SMPX: variants seen among roughly 807,000 people sequenced by gnomAD.
SMPX encodes small muscular protein.
SMPX carries 2 observed loss-of-function variants against 6.3 expected under a neutral mutation model. The observed-to-expected ratio is 0.32, with a 90% CI of 0.13 to 0.99. SMPX has a LOEUF of 0.99. SMPX is among the 50% of genes least tolerant of loss of function. SMPX has a pLI of 0.49. For synonymous variants in SMPX, 32 were observed against 24.7 expected, an observed-to-expected ratio of 1.30 and a Z score of -0.88; for missense variants, 60 against 66.8, an observed-to-expected ratio of 0.90 and a Z score of 0.36.
chrX:21,734,931 A>C (rs189325502), intron 4 of SMPX, among the ~76,000 whole-genome samples: 1 of 111,851 alleles, frequency 8.9e-6, no homozygotes, highest in African/African-American at 3.3e-5. Context: ...AAAGTACTGT[A>C]ATAGTTATAA....
chrX:21,745,668 T>C (rs1438015387), intron 2 of SMPX, among the ~76,000 whole-genome samples: 5 of 111,450 alleles, frequency 4.5e-5, no homozygotes, highest in African/African-American at 1.6e-4. Context: ...AGGGGAAAAA[T>C]CAATATACGG....
chrX:21,731,509 T>A (rs7886539), intron 4 of SMPX, among the ~76,000 whole-genome samples: 29,101 of 52,735 alleles, frequency 0.55, 6,761 homozygotes, highest in African/African-American at 0.76. Flanking sequence ...ACATACACAT[T>A]ATGTGTGTAT....
chrX:21,716,844 C>T (rs914608739), intron 4 of SMPX, among the ~76,000 whole-genome samples: 3 of 111,781 alleles, frequency 2.7e-5, no homozygotes, highest in Non-Finnish European at 3.8e-5. Flanking sequence ...TGAGGTAAAA[C>T]GTCTCTAGGA....
intron 3 of SMPX, among the ~76,000 whole-genome samples, chrX:21,740,279 G>T (rs1245741431): frequency 8.9e-6 from 1 of 111,833 alleles, no homozygotes; most frequent in African/African-American, 3.3e-5. Context: ...GCCCCATTTG[G>T]CTAATAAATA....
chrX:21,733,707 T>C (rs778276264), intron 4 of SMPX: 9 of 326,876 alleles, frequency 2.8e-5, no homozygotes, highest in African/African-American at 2.4e-4. Flanking sequence ...ACCACTTTGA[T>C]ACTTATTTTG....
intron 4 of SMPX, among the ~76,000 whole-genome samples, chrX:21,728,342 T>C (rs746969719): frequency 9.2e-6 from 1 of 108,906 alleles, no homozygotes; most frequent in South Asian, 4.1e-4. Context: ...AGCAAATTAT[T>C]TGTGCTTCCA....
At chrX:21,731,445 A>C (rs1209272662) in intron 4 of SMPX, among the ~76,000 whole-genome samples, 1 of 91,239 alleles carries the variant, frequency 1.1e-5, no homozygotes, top group East Asian at 3.9e-4. Context: ...GTATGTGTAC[A>C]CATACACATA....
chrX:21,721,523 A>C (rs748400168), intron 4 of SMPX, among the ~76,000 whole-genome samples: 1 of 112,479 alleles, frequency 8.9e-6, no homozygotes, highest in South Asian at 3.7e-4. Context: ...TAGTTCATCA[A>C]AGGACGCTCT....
At chrX:21,736,189 G>C (rs1487528737) in intron 4 of SMPX, among the ~76,000 whole-genome samples, 1 of 112,393 alleles carries the variant, frequency 8.9e-6, no homozygotes. Context: ...GTCAGTGTAA[G>C]TGTAACACAA....
At chrX:21,726,117 G>A (rs2092796617) in intron 4 of SMPX, among the ~76,000 whole-genome samples, 1 of 111,929 alleles carries the variant, frequency 8.9e-6, no homozygotes, top group South Asian at 3.8e-4. Flanking sequence ...TGGTCAGGAA[G>A]TTGCCCAAGG....
intron 3 of SMPX, among the ~76,000 whole-genome samples, chrX:21,739,541 A>G (rs959722942): frequency 8.9e-6 from 1 of 112,518 alleles, no homozygotes; most frequent in Non-Finnish European, 1.9e-5. Context: ...TTTGTCATGC[A>G]CACACATTTA....
At chrX:21,746,075 G>A (rs901440810) in intron 2 of SMPX, among the ~76,000 whole-genome samples, 2 of 111,503 alleles carry the variant, frequency 1.8e-5, no homozygotes, top group Admixed American at 1.9e-4. Context: ...AGTAACAATT[G>A]CTCTGGGTCT....
chrX:21,748,999 T>C (rs998619294), intron 2 of SMPX, among the ~76,000 whole-genome samples: 2 of 111,929 alleles, frequency 1.8e-5, no homozygotes, highest in African/African-American at 6.5e-5. Flanking sequence ...TATTTTCATC[T>C]TCCGTGGAGA....
intron 1 of SMPX, among the ~76,000 whole-genome samples, chrX:21,754,820 A>G (rs1258642201): frequency 8.9e-6 from 1 of 112,044 alleles, no homozygotes; most frequent in African/African-American, 3.2e-5. Context: ...CTTGCTGTGC[A>G]GTGTCTGTTC....
At chrX:21,746,918 A>G (rs962181565) in intron 2 of SMPX, among the ~76,000 whole-genome samples, 1 of 111,263 alleles carries the variant, frequency 9.0e-6, no homozygotes, top group Non-Finnish European at 1.9e-5. Flanking sequence ...AAATATGTAG[A>G]CCTGTACCTC....
intron 4 of SMPX, among the ~76,000 whole-genome samples, chrX:21,721,886 G>A (rs2092792090): frequency 8.9e-6 from 1 of 112,106 alleles, no homozygotes. Flanking sequence ...ATCAGGCTGG[G>A]TGCAGTGGCT....
intron 4 of SMPX, among the ~76,000 whole-genome samples, chrX:21,717,248 T>C (rs58141352): frequency 0.014 from 1,559 of 111,774 alleles, 24 homozygotes; most frequent in African/African-American, 0.048. Context: ...TGAGTTCTCA[T>C]GAGATCTGAT....
intron 4 of SMPX, among the ~76,000 whole-genome samples, chrX:21,712,841 C>A (rs974528777): frequency 8.9e-6 from 1 of 112,480 alleles, no homozygotes; most frequent in Non-Finnish European, 1.9e-5. Flanking sequence ...GCATTCAAGG[C>A]ATAGAGACAA....
In SMPX at chrX:21,711,443, G is replaced by C. The variant is rs1178851357; in HGVS notation, c.*15-5049C>G. 6.3e-5 allele frequency among the ~76,000 whole-genome samples: 7 copies of C among 111,794 alleles called. No individual in the cohort carries two copies. In the Admixed American group the frequency reaches 6.6e-4, roughly 11 times the overall value. On this transcript the variant is annotated intron_variant, in intron 4 of 4. Transcript: ENST00000379494. ...AATGATGGGGAAGGTATGGCAACCAGCTGAAAAGTCATTCTCTAGCTACCC... is the reference window on the plus strand; with the variant it reads ...AATGATGGGGAAGGTATGGCAACCACCTGAAAAGTCATTCTCTAGCTACCC...
Sources: allele counts gnomAD v4.1 joint callset (sites outside exome capture counted in the v4.1 genomes callset), GRCh38; gene constraint gnomAD v4.1.1; transcripts MANE v1.5; gene names NCBI Gene and HGNC (gene_info 2026-07-23, HGNC 2026-07-21).